The following DLG1 variants were observed in gnomAD, a reference collection of about 807,000 sequenced individuals.
DLG1 encodes the protein disks large homolog 1.
DLG1 carries 42 observed loss-of-function variants against 123.4 expected under a neutral mutation model. The observed-to-expected ratio is 0.34, with a 90% CI of 0.27 to 0.44. The LOEUF (loss-of-function observed/expected upper bound fraction) is 0.44. Among genes scored for constraint, DLG1 ranks in the 20% least tolerant of loss-of-function variants. The pLI is 1.00. For missense variants in DLG1, 942 were observed against 1,082.6 expected (o/e 0.87, Z 1.82); for synonymous variants, 317 against 356.2 (o/e 0.89, Z 1.24).
chr3:197,256,312 G>C (rs149956392), intron 4 of DLG1, among the ~76,000 whole-genome samples: 1 of 152,388 alleles, frequency 6.6e-6, no homozygotes, highest in East Asian at 1.9e-4. Flanking sequence ...GCCATACAAG[G>C]TAAGTAAATG....
intron 4 of DLG1, among the ~76,000 whole-genome samples, chr3:197,278,396 C>G (rs1179268195): frequency 1.3e-5 from 2 of 150,210 alleles, no homozygotes; most frequent in African/African-American, 4.9e-5. Flanking sequence ...CTGGAGCCCC[C>G]AAGTTTTGAG....
At chr3:197,120,389 T>G (rs1250420267) in intron 11 of DLG1, among the ~76,000 whole-genome samples, 1 of 152,202 alleles carries the variant, frequency 6.6e-6, no homozygotes, top group Non-Finnish European at 1.5e-5. Flanking sequence ...TAGTGATTCC[T>G]GACCATGCTT....
At chr3:197,251,086 AG>A (rs1694748464) in intron 4 of DLG1, among the ~76,000 whole-genome samples, 2 of 151,904 alleles carry the variant, frequency 1.3e-5, no homozygotes, top group Admixed American at 6.6e-5. Context: ...TACTAAACAA[AG>A]TAATCTACAG....
At chr3:197,118,295 A>C (rs1403305088) in intron 12 of DLG1, among the ~76,000 whole-genome samples, 1 of 152,242 alleles carries the variant, frequency 6.6e-6, no homozygotes, top group Non-Finnish European at 1.5e-5. Context: ...ATTAGAAAGT[A>C]ATAAAAATAA....
chr3:197,152,753 A>G, intron 5 of DLG1, among the ~76,000 whole-genome samples: 1 of 113,320 alleles, frequency 8.8e-6, no homozygotes, highest in Admixed American at 1.2e-4. Flanking sequence ...ACAGAGCGAG[A>G]CTCTGTCTCA....
chr3:197,074,061 G>A (rs1406579719), intron 18 of DLG1, among the ~76,000 whole-genome samples: 4 of 152,038 alleles, frequency 2.6e-5, no homozygotes, highest in Admixed American at 2.6e-4. Flanking sequence ...CTTCTTCCCA[G>A]TATTTACTAC....
intron 13 of DLG1, among the ~76,000 whole-genome samples, chr3:197,106,391 G>C (rs34110819): frequency 2.2e-4 from 33 of 152,152 alleles, no homozygotes; most frequent in Non-Finnish European, 3.7e-4. Context: ...GGGTGACAGA[G>C]AGAGGGACGC....
intron 18 of DLG1, among the ~76,000 whole-genome samples, chr3:197,072,693 AAC>A (rs1389398435): frequency 3.3e-5 from 5 of 150,328 alleles, no homozygotes; most frequent in Non-Finnish European, 5.9e-5. Context: ...AAAAAAAAAA[AAC>A]AAAAAAACAA....
intron 5 of DLG1, among the ~76,000 whole-genome samples, chr3:197,163,091 G>A (rs1003655811): frequency 2.0e-5 from 3 of 152,164 alleles, no homozygotes; most frequent in Non-Finnish European, 4.4e-5. Context: ...ATTAGCACAC[G>A]AAAAGATGCT....
intron 4 of DLG1, among the ~76,000 whole-genome samples, chr3:197,199,668 G>C (rs1252749566): frequency 6.6e-6 from 1 of 152,122 alleles, no homozygotes; most frequent in Non-Finnish European, 1.5e-5. Context: ...GTAGCTTTCA[G>C]GGCCATCATT....
Position 197,127,121 on chromosome 3 carries a change from T to A in DLG1, c.1165+3406A>T, listed in dbSNP as rs564176661. On this transcript the variant is annotated intron_variant, in intron 11 of 24. Coordinates refer to ENST00000667157, the MANE Select transcript of DLG1 (RefSeq NM_001366207.1). ...TAAATCTCTTCTCAGCTTATATATT[T>A]AAAAAACTGAATATAAAATGGCCAG... 9.5e-4 allele frequency among the ~76,000 whole-genome samples: 144 copies of A among 151,930 alleles called. 1 individual carries two copies. The highest frequency in any genetic ancestry group is 3.2e-3 in the African/African-American group (131 of 41,410).
chr3:197,142,665 AG>A lies in DLG1; in HGVS notation c.588+52del. The A allele has an allele frequency of 2.3e-6, 3 of 1,305,224 alleles. No homozygotes were observed. In the South Asian group the frequency reaches 4.2e-5, roughly 18 times the overall value. 80.9% of individuals were successfully genotyped at this position (1,305,224 alleles called of 1,614,324 possible). ...ATCTCCCTTGGATTCTGTATGAAAA[AG>A]CAGTATATTACAAAGTTCTCTAGAA... On this transcript the variant is annotated intron_variant, in intron 7 of 24. Coordinates refer to ENST00000667157, the MANE Select transcript of DLG1 (RefSeq NM_001366207.1).
chr3:197,281,447 C>T (rs549596569), intron 4 of DLG1, among the ~76,000 whole-genome samples: 110 of 152,102 alleles, frequency 7.2e-4, no homozygotes, highest in Non-Finnish European at 1.1e-3. Context: ...ATTGGCAACA[C>T]CTGAATTTTG....
At chr3:197,130,756 T>TA in intron 10 of DLG1, 85 bp from the exon 11 acceptor site, 1 of 1,147,216 alleles carries the variant, frequency 8.7e-7, no homozygotes, top group South Asian at 1.6e-5. Context: ...AAAGGGAAAA[T>TA]AAGAGAGTGG....
At chr3:197,075,904 A>G (rs1452609347) in intron 18 of DLG1, 6 of 1,601,448 alleles carry the variant, frequency 3.7e-6, no homozygotes, top group East Asian at 2.2e-5. Context: ...GCAAGCAATA[A>G]AAAGATAATC....
chr3:197,298,066 A>C, intron 1 of DLG1: 1 of 384,100 alleles, frequency 2.6e-6, no homozygotes, highest in Non-Finnish European at 3.6e-6. Flanking sequence ...CACCCCCGGA[A>C]CCTCGCCTCC....
chr3:197,108,505 T>C (rs981143545), intron 13 of DLG1, among the ~76,000 whole-genome samples: 1 of 152,324 alleles, frequency 6.6e-6, no homozygotes, highest in African/African-American at 2.4e-5. Flanking sequence ...CTATTTCTTC[T>C]TGAGTTAGTT....
intron 4 of DLG1, among the ~76,000 whole-genome samples, chr3:197,197,881 A>C (rs2150296600): frequency 6.6e-6 from 1 of 152,348 alleles, no homozygotes; most frequent in Non-Finnish European, 1.5e-5. Flanking sequence ...TGTGTGTGCC[A>C]AGGGAGAAAG....
intron 4 of DLG1, among the ~76,000 whole-genome samples, chr3:197,231,376 AATACC>A (rs372090742): frequency 1.2e-3 from 183 of 152,328 alleles, no homozygotes; most frequent in African/African-American, 4.2e-3. Flanking sequence ...ATTTAGCAAA[AATACC>A]ATACAACTGA....
Sources: allele counts gnomAD v4.1 joint callset (sites outside exome capture counted in the v4.1 genomes callset), GRCh38; gene constraint gnomAD v4.1.1; transcripts MANE v1.5; gene names NCBI Gene and HGNC (gene_info 2026-07-23, HGNC 2026-07-21).